Variants in ENOX1 observed in about 807,000 individuals in gnomAD.
ENOX1 encodes the protein ecto-NOX disulfide-thiol exchanger 1.
ENOX1 carries 42 observed loss-of-function variants against 82.5 expected under a neutral mutation model. The ratio of observed to expected loss-of-function variants is 0.51; its 90% CI spans 0.40 to 0.66. The LOEUF is 0.66. Ranked by LOEUF, ENOX1 falls within the 30% of genes least tolerant of loss-of-function variation. The probability of loss-of-function intolerance (pLI) is 0.00; values close to 1 mark genes in which losing one functional copy is unlikely to be tolerated. For missense variants in ENOX1, 608 were observed against 811.6 expected (o/e 0.75, Z 3.05); for synonymous variants, 271 against 282.2 (o/e 0.96, Z 0.40).
intron 5 of ENOX1, among the ~76,000 whole-genome samples, chr13:43,399,830 CA>C (rs1027289172): frequency 2.6e-5 from 4 of 152,204 alleles, no homozygotes; most frequent in South Asian, 2.1e-4. Flanking sequence ...AAAGGATCCC[CA>C]CATACTGCTG....
At chr13:43,539,034 G>T (rs1219109433) in intron 2 of ENOX1, among the ~76,000 whole-genome samples, 1 of 152,022 alleles carries the variant, frequency 6.6e-6, no homozygotes, top group Non-Finnish European at 1.5e-5. Context: ...TGATGCCCAG[G>T]GTGGTCTTGA....
chr13:43,433,011 G>A (rs1353323493), intron 3 of ENOX1, among the ~76,000 whole-genome samples: 1 of 152,078 alleles, frequency 6.6e-6, no homozygotes, highest in African/African-American at 2.4e-5. Context: ...TGTTGATATG[G>A]GGGAGACCAT....
chr13:43,581,122 ATTCTT>A (rs2080706163), intron 2 of ENOX1, among the ~76,000 whole-genome samples: 1 of 85,102 alleles, frequency 1.2e-5, no homozygotes, highest in Non-Finnish European at 2.5e-5. Context: ...GCACTACCTG[ATTCTT>A]TTTTTTTTTT....
chr13:43,515,946 AG>A (rs1354595968), intron 2 of ENOX1, among the ~76,000 whole-genome samples: 1 of 152,120 alleles, frequency 6.6e-6, no homozygotes, highest in East Asian at 1.9e-4. Context: ...TTTTGTTCCC[AG>A]GGCCTAGTGC....
chr13:43,785,674 C>A (rs1488954414), intron 1 of ENOX1, among the ~76,000 whole-genome samples: 2 of 152,140 alleles, frequency 1.3e-5, no homozygotes, highest in South Asian at 2.1e-4. Flanking sequence ...CGCAGAGATT[C>A]CACAGAGCTG....
chr13:43,545,569 T>G (rs1252108695), intron 2 of ENOX1: 2 of 152,274 alleles, frequency 1.3e-5, no homozygotes, highest in East Asian at 3.9e-4. Context: ...GTGGGGAGTG[T>G]GGAGCTTCCC....
At chr13:43,432,896 G>A (rs908808272) in intron 3 of ENOX1, among the ~76,000 whole-genome samples, 6 of 151,840 alleles carry the variant, frequency 4.0e-5, no homozygotes, top group South Asian at 4.2e-4. Context: ...GATACAAATC[G>A]TTAACCCTAT....
intron 1 of ENOX1, among the ~76,000 whole-genome samples, chr13:43,703,256 A>G (rs574928108): frequency 6.6e-6 from 1 of 152,318 alleles, no homozygotes; most frequent in East Asian, 1.9e-4. Flanking sequence ...TGTTCTTTCC[A>G]TATTTTTCCT....
intron 2 of ENOX1, among the ~76,000 whole-genome samples, chr13:43,579,572 T>C (rs2080609505): frequency 6.6e-6 from 1 of 152,208 alleles, no homozygotes; most frequent in Non-Finnish European, 1.5e-5. Context: ...TGTTTATCTT[T>C]CACTATCCAT....
chr13:43,401,659 A>G (rs1024626309), intron 5 of ENOX1, among the ~76,000 whole-genome samples: 3 of 152,204 alleles, frequency 2.0e-5, no homozygotes, highest in Admixed American at 1.3e-4. Flanking sequence ...CTGGGGCAAA[A>G]GCCACAGATG....
At chr13:43,318,695 T>G (rs1014662514) in intron 11 of ENOX1, among the ~76,000 whole-genome samples, 11 of 152,232 alleles carry the variant, frequency 7.2e-5, no homozygotes, top group Admixed American at 2.6e-4. Flanking sequence ...GTCCACAGAC[T>G]TTTATTGATT....
chr13:43,398,417 C>T (rs2053282392), intron 5 of ENOX1, among the ~76,000 whole-genome samples: 1 of 152,090 alleles, frequency 6.6e-6, no homozygotes, highest in Admixed American at 6.5e-5. Flanking sequence ...GGGACTCAAA[C>T]TTTAGTTGCA....
intron 2 of ENOX1, chr13:43,547,322 A>T (rs1380349072): frequency 6.6e-6 from 1 of 152,248 alleles, no homozygotes. Context: ...TTCCTTAAAT[A>T]AAAACAAGCC....
intron 1 of ENOX1, among the ~76,000 whole-genome samples, chr13:43,745,226 G>A (rs978992729): frequency 6.6e-6 from 1 of 151,790 alleles, no homozygotes; most frequent in African/African-American, 2.4e-5. Flanking sequence ...AACAAAAGAG[G>A]GAGAAGACAA....
chr13:43,233,637 T>C (rs2042387885), intron 15 of ENOX1, among the ~76,000 whole-genome samples: 1 of 150,298 alleles, frequency 6.7e-6, no homozygotes, highest in Non-Finnish European at 1.5e-5. Flanking sequence ...AAGAGCTTTT[T>C]TCTCACTCCC....
intron 3 of ENOX1, among the ~76,000 whole-genome samples, chr13:43,446,884 C>A (rs1281099623): frequency 6.6e-6 from 1 of 152,238 alleles, no homozygotes; most frequent in East Asian, 1.9e-4. Flanking sequence ...TCAGTCCTGT[C>A]CTACCAGTCA....
intron 16 of ENOX1, among the ~76,000 whole-genome samples, chr13:43,215,060 T>C (rs141562172): frequency 2.0e-5 from 3 of 152,358 alleles, no homozygotes; most frequent in African/African-American, 7.2e-5. Flanking sequence ...ACCACAGATA[T>C]GGGCACATAG....
In ENOX1 at chr13:43,702,953, C is replaced by CA. The variant is rs60810191; in HGVS notation, c.-284-35410dup. Among the ~76,000 whole-genome samples the CA allele has an allele frequency of 1.7e-3, 86 of 51,002 alleles. 6 individuals are homozygous for CA. Among genetic ancestry groups the CA allele is most frequent in the East Asian group, 5.9e-3 (8 of 1,364 alleles). 33.5% of individuals were successfully genotyped at this position (51,002 alleles called of 152,430 possible). On this transcript the variant is annotated intron_variant, in intron 1 of 16. Coordinates refer to ENST00000690772, the MANE Select transcript of ENOX1 (RefSeq NM_001347969.2). ...GGGCAACAAGAGTGAGACTCTGTCT[C>CA]AAAAAAAAAAAAAAAAAAAAAAAAA... is the stretch of plus-strand genomic sequence containing the variant.
Position 43,528,727 on chromosome 13 carries a change from T to C in ENOX1, c.-218-44575A>G, listed in dbSNP as rs545619681. 3.9e-5 allele frequency among the ~76,000 whole-genome samples: 6 copies of C among 152,192 alleles called. No individual in the cohort carries two copies. The South Asian group carries it at 1.2e-3, about 32-fold the overall frequency. ...TGAGAATCCTAGGTTCAAAAAGTTT[T>C]CCACGAGAATTTTAAAGTCTTGTGC... On this transcript the variant is annotated intron_variant, in intron 2 of 16. Transcript: ENST00000690772.
Sources: allele counts gnomAD v4.1 joint callset (sites outside exome capture counted in the v4.1 genomes callset), GRCh38; gene constraint gnomAD v4.1.1; transcripts MANE v1.5; gene names NCBI Gene and HGNC (gene_info 2026-07-23, HGNC 2026-07-21).